Variants in RPS6KC1 observed in about 807,000 individuals in gnomAD.
RPS6KC1 encodes the protein ribosomal protein S6 kinase C1, also known as inactive ribosomal protein S6 kinase delta-1.
RPS6KC1 carries 54 observed loss-of-function variants against 103.8 expected under a neutral mutation model. The observed-to-expected ratio is 0.52, with a 90% CI of 0.42 to 0.65. The LOEUF is 0.65. Ranked by LOEUF, RPS6KC1 falls within the 30% of genes least tolerant of loss-of-function variation. The pLI is 0.00. For missense variants in RPS6KC1, 1,151 were observed against 1,253.8 expected, an observed-to-expected ratio of 0.92 and a Z score of 1.24; for synonymous variants, 439 against 438.7, an observed-to-expected ratio of 1.00 and a Z score of -0.01.
chr1:213,462,819 G>A, the RPS6KC1 span, among the ~76,000 whole-genome samples: 136 of 152,232 alleles, frequency 8.9e-4, no homozygotes, highest in African/African-American at 3.2e-3. Context: ...GTTGATGAGC[G>A]CAGCAAACCA....
At chr1:213,139,619 A>G (rs1189588143) in intron 6 of RPS6KC1, among the ~76,000 whole-genome samples, 4 of 151,816 alleles carry the variant, frequency 2.6e-5, no homozygotes, top group African/African-American at 9.7e-5. Flanking sequence ...ATTGCTTGCT[A>G]TTGTTGGCTT....
chr1:213,214,766 G>C (rs1238842634), intron 8 of RPS6KC1, among the ~76,000 whole-genome samples: 3 of 152,064 alleles, frequency 2.0e-5, no homozygotes, highest in Non-Finnish European at 4.4e-5. Context: ...AGGCAAACAG[G>C]GTCTGGAGTG....
Position 213,129,593 on chromosome 1 carries a change from A to G in RPS6KC1, c.539A>G (p.Asp180Gly). The G allele has an allele frequency of 6.2e-7, 1 of 1,613,920 alleles. No homozygotes were observed. The highest frequency in any genetic ancestry group is 8.5e-7 in the Non-Finnish European group (1 of 1,179,854). ...VDVDSLAELD[D>G]GMASNQNSPI... ...GTGGATTCTCTTGCTGAGTTAGATG[A>G]TGGAATGGCTTCCAATCAAAATTCT... The change falls in exon 6 of 15, where the codon GAT (aspartate) becomes GGT (glycine). Residue 180 changes from aspartate (D) to glycine (G), a missense_variant. Physicochemically the swap from Asp to Gly is moderately conservative, Grantham distance 94 (BLOSUM62 -1). Coordinates refer to ENST00000366960, the MANE Select transcript of RPS6KC1 (RefSeq NM_012424.6).
chr1:213,194,163 G>GT (rs2092853171), intron 8 of RPS6KC1, among the ~76,000 whole-genome samples: 1 of 152,144 alleles, frequency 6.6e-6, no homozygotes, highest in Non-Finnish European at 1.5e-5. Flanking sequence ...TTGGCATGGA[G>GT]TATCTTTTTC....
chr1:213,414,124 G>A, the RPS6KC1 span, among the ~76,000 whole-genome samples: 7 of 152,150 alleles, frequency 4.6e-5, no homozygotes, highest in Non-Finnish European at 8.8e-5. Context: ...GATGGGGGAA[G>A]GTGAGCTGAG....
At chr1:213,133,347 A>G (rs774679505) in intron 6 of RPS6KC1, among the ~76,000 whole-genome samples, 8 of 152,200 alleles carry the variant, frequency 5.3e-5, no homozygotes, top group Non-Finnish European at 8.8e-5. Flanking sequence ...TGGATTACAT[A>G]AAGGTATCAA....
At chr1:213,254,537 C>T (rs1289692841) in intron 12 of RPS6KC1, among the ~76,000 whole-genome samples, 1 of 152,158 alleles carries the variant, frequency 6.6e-6, no homozygotes, top group East Asian at 1.9e-4. Flanking sequence ...ATGAGAAAGG[C>T]TCATGAGTGC....
the RPS6KC1 span, among the ~76,000 whole-genome samples, chr1:213,449,681 C>CT: frequency 6.6e-6 from 1 of 152,208 alleles, no homozygotes. Flanking sequence ...ATGGTTTCTG[C>CT]TTATTGCTCC....
chr1:213,849,201 G>T, the RPS6KC1 span, among the ~76,000 whole-genome samples: 1 of 152,176 alleles, frequency 6.6e-6, no homozygotes, highest in Non-Finnish European at 1.5e-5. Flanking sequence ...GGACTCAGCT[G>T]GGTCACCTCT....
At chr1:213,355,889 T>C in the RPS6KC1 span, among the ~76,000 whole-genome samples, 1 of 152,340 alleles carries the variant, frequency 6.6e-6, no homozygotes, top group African/African-American at 2.4e-5. Context: ...TTACTAGCTG[T>C]GTAATCTTGG....
the RPS6KC1 span, among the ~76,000 whole-genome samples, chr1:213,341,671 A>G: frequency 2.6e-5 from 4 of 152,244 alleles, no homozygotes; most frequent in Non-Finnish European, 5.9e-5. Context: ...ATTAACTAAT[A>G]TGAACTAATT....
At chr1:213,349,838 A>G in the RPS6KC1 span, among the ~76,000 whole-genome samples, 2 of 152,206 alleles carry the variant, frequency 1.3e-5, no homozygotes, top group African/African-American at 4.8e-5. Context: ...TGACAGGGCC[A>G]TAAGCATGCA....
the RPS6KC1 span, among the ~76,000 whole-genome samples, chr1:213,375,076 CACAT>C: frequency 2.0e-5 from 3 of 151,810 alleles, no homozygotes; most frequent in Admixed American, 6.6e-5. Context: ...CACACATACA[CACAT>C]ACACACATCT....
At chr1:213,626,283 T>G in the RPS6KC1 span, among the ~76,000 whole-genome samples, 56,544 of 152,052 alleles carry the variant, frequency 0.37, 11,582 homozygotes, top group Non-Finnish European at 0.47. Context: ...GGTTGTTTTT[T>G]TCTTGTAAAT....
At chr1:213,849,881 AT>A in the RPS6KC1 span, among the ~76,000 whole-genome samples, 589 of 150,130 alleles carry the variant, frequency 3.9e-3, 3 homozygotes, top group South Asian at 4.0e-3. Flanking sequence ...GGTGGACAGG[AT>A]TTTTTTTTTC....
At chr1:213,830,714 T>C in the RPS6KC1 span, among the ~76,000 whole-genome samples, 1 of 152,108 alleles carries the variant, frequency 6.6e-6, no homozygotes. Context: ...TATTGAATCT[T>C]GTTTCAGCCT....
At chr1:213,702,660 T>C in the RPS6KC1 span, among the ~76,000 whole-genome samples, 1 of 152,052 alleles carries the variant, frequency 6.6e-6, no homozygotes, top group Non-Finnish European at 1.5e-5. Flanking sequence ...TTTATCATTA[T>C]ATAGTGTAAT....
the RPS6KC1 span, among the ~76,000 whole-genome samples, chr1:213,410,489 T>C: frequency 6.6e-6 from 1 of 150,906 alleles, no homozygotes; most frequent in Non-Finnish European, 1.5e-5. Context: ...AGGGGAGGGG[T>C]TTTAAGGAGA....
At chr1:213,623,995 CATTGTGTGTGGAGGGGCAACAGA>C in the RPS6KC1 span, among the ~76,000 whole-genome samples, 1 of 152,168 alleles carries the variant, frequency 6.6e-6, no homozygotes, top group Admixed American at 6.5e-5. Context: ...TAAAAAGCAG[CATTGTGTGTGGAGGGGCAACAGA>C]ATTGAGGTGT....
Sources: allele counts gnomAD v4.1 joint callset (sites outside exome capture counted in the v4.1 genomes callset), GRCh38; gene constraint gnomAD v4.1.1; transcripts MANE v1.5; gene names NCBI Gene and HGNC (gene_info 2026-07-23, HGNC 2026-07-21).